Variants in SNED1 observed in about 807,000 individuals in gnomAD.
SNED1 encodes the protein sushi, nidogen and EGF like domains 1, also known as sushi, nidogen and EGF-like domain-containing protein 1.
Under a neutral mutation model 166.7 loss-of-function variants are expected in SNED1, and 81 were observed. That is an observed-to-expected ratio of 0.49 (90% CI 0.41 to 0.58). The LOEUF (loss-of-function observed/expected upper bound fraction) is 0.58, where lower values mean the gene tolerates loss of function less well. SNED1 is among the 20% of genes least tolerant of loss of function. SNED1 has a pLI of 0.00. For missense variants in SNED1, 1,604 were observed against 2,000.2 expected (o/e 0.80, Z 3.78); for synonymous variants, 762 against 822.0 (o/e 0.93, Z 1.25).
intron 1 of SNED1, among the ~76,000 whole-genome samples, chr2:241,020,752 G>T (rs2060747683): frequency 1.3e-5 from 2 of 152,154 alleles, no homozygotes; most frequent in Admixed American, 6.5e-5. Context: ...TACTGCCCTG[G>T]GTAGGGGCTG....
intron 16 of SNED1, among the ~76,000 whole-genome samples, chr2:241,057,458 C>A (rs1035130200): frequency 2.8e-5 from 4 of 145,450 alleles, no homozygotes; most frequent in African/African-American, 1.0e-4. Flanking sequence ...CAAGGCAAGA[C>A]GATCATTTGA....
chr2:241,088,119 C>G, intron 30 of SNED1: 1 of 528,026 alleles, frequency 1.9e-6, no homozygotes. Context: ...CATCCTCTCT[C>G]TCTCTGACTC....
chr2:241,011,647 G>T (rs756055875), intron 1 of SNED1, among the ~76,000 whole-genome samples: 11 of 152,230 alleles, frequency 7.2e-5, no homozygotes, highest in Non-Finnish European at 1.3e-4. Flanking sequence ...AACAATAATA[G>T]AATTGTCACT....
rs2062350286 is a variant in SNED1, at chr2:241,064,264, G to A, written c.2599+139G>A. On this transcript the variant is annotated intron_variant, in intron 19 of 31. Coordinates refer to ENST00000310397, the MANE Select transcript of SNED1 (RefSeq NM_001080437.3). The surrounding 1 kb of genome is among the most constrained non-coding windows in gnomAD (Gnocchi z 7.0). ...CCGCCCTCTGCCCGCCGCCTTGGAA[G>A]TCCCCTTCTCAGGCCAGTGGCCCTC... 1 of 623,880 alleles carries A rather than the reference G, an allele frequency of 1.6e-6. No homozygotes were observed. 38.6% of individuals were successfully genotyped at this position (623,880 alleles called of 1,614,324 possible).
rs372051276 is a variant in SNED1, at chr2:241,053,310, G to A, written c.2241G>A (p.Glu747=). 84 of 1,585,560 alleles carry A rather than the reference G, an allele frequency of 5.3e-5. 1 individual carries two copies. In the East Asian group the frequency reaches 7.2e-4, roughly 14 times the overall value. Residue 747 remains glutamate, a synonymous_variant, in exon 16 of 32, where the codon GAG becomes GAA. Coordinates refer to ENST00000310397, the MANE Select transcript of SNED1 (RefSeq NM_001080437.3). ...RVCQPHGVWS[E]PPQCLEIDEC... Reference sequence around the variant, plus strand: ...GCCAGCCACACGGTGTCTGGAGTGAGCCTCCCCAGTGCCTTGGTGATTCTG... The same window carrying A: ...GCCAGCCACACGGTGTCTGGAGTGAACCTCCCCAGTGCCTTGGTGATTCTG...
At chr2:241,056,817 G>A (rs140908836) in intron 16 of SNED1, among the ~76,000 whole-genome samples, 1,521 of 151,656 alleles carry the variant, frequency 0.01, 10 homozygotes, top group Middle Eastern at 0.024. Flanking sequence ...TCCTGACCTC[G>A]TGATCCACCC....
rs2062362054 is a variant in SNED1, at chr2:241,064,598, T to C, written c.2600-246T>C. On this transcript the variant is annotated intron_variant, in intron 19 of 31. Coordinates refer to ENST00000310397, the MANE Select transcript of SNED1 (RefSeq NM_001080437.3). The surrounding 1 kb of genome is among the most constrained non-coding windows in gnomAD (Gnocchi z 7.0). ...GGGGTGGTGGCCTGTCCTGTCCTGA[T>C]CCAGTGTCTCCTCCCCTCAGCCAGT... Among the ~76,000 whole-genome samples, 1 of 152,190 alleles carries C rather than the reference T, an allele frequency of 6.6e-6. No individual in the cohort carries two copies. Among genetic ancestry groups the C allele is most frequent in the South Asian group, 2.1e-4 (1 of 4,830 alleles).
rs188467286 is a variant in SNED1, at chr2:241,043,061, G to A, written c.1273+2648G>A. 3.3e-5 allele frequency among the ~76,000 whole-genome samples: 5 copies of A among 152,338 alleles called. No homozygotes were observed. In the East Asian group the frequency reaches 7.7e-4, roughly 23 times the overall value. ...CAATATTAAGCAGCCTGGGATCCACGTATTTGGAGTCTGCGAAGGAGGATG... is the reference window on the plus strand; with the variant it reads ...CAATATTAAGCAGCCTGGGATCCACATATTTGGAGTCTGCGAAGGAGGATG... On this transcript the variant is annotated intron_variant, in intron 8 of 31. Coordinates refer to ENST00000310397, the MANE Select transcript of SNED1 (RefSeq NM_001080437.3).
chr2:241,035,796 T>C (rs2061335463), intron 4 of SNED1: 1 of 116,046 alleles, frequency 8.6e-6, no homozygotes, highest in African/African-American at 3.4e-5. Flanking sequence ...CGCCACAGGG[T>C]TGGGGATGAG....
rs960417176 is a variant in SNED1, at chr2:241,094,011, C to T, written c.*2375C>T. ...AGACTGAGGATTCTACTTAGTCCTC[C>T]GACTGGGTACAACAACAGCCTAGGT... On this transcript the variant is annotated 3_prime_UTR_variant, in exon 32 of 32. Coordinates refer to ENST00000310397, the MANE Select transcript of SNED1 (RefSeq NM_001080437.3). The surrounding 1 kb of genome is among the most constrained non-coding windows in gnomAD (Gnocchi z 4.3). 2.0e-5 allele frequency: 5 copies of T among 254,700 alleles called. No individual in the cohort carries two copies. The highest frequency in any genetic ancestry group is 8.2e-5 in the South Asian group (2 of 24,504). The allele number at this position is 254,700 out of a possible 1,614,324, so 15.8% of individuals were successfully genotyped here.
rs987361987 is a variant in SNED1, at chr2:241,064,559, G to T, written c.2600-285G>T. On this transcript the variant is annotated intron_variant, in intron 19 of 31. Transcript: ENST00000310397. The surrounding 1 kb of genome is among the most constrained non-coding windows in gnomAD (Gnocchi z 7.0). ...CTGACCACTGACCTCCCCTCCTCAA[G>T]CAGGACTGTCACTGGGGTGGTGGCC... Among the ~76,000 whole-genome samples the T allele has an allele frequency of 1.3e-5, 2 of 152,186 alleles. No homozygotes were observed. Among genetic ancestry groups the T allele is most frequent in the African/African-American group, 4.8e-5 (2 of 41,460 alleles).
At chr2:241,082,919 G>C (rs918070589) in intron 29 of SNED1, among the ~76,000 whole-genome samples, 2 of 151,654 alleles carry the variant, frequency 1.3e-5, no homozygotes, top group Admixed American at 6.6e-5. Flanking sequence ...GCTGTGTGCC[G>C]GGCACTGTCC....
chr2:241,068,541 G>A lies in SNED1; in HGVS notation c.3195-370G>A, dbSNP rs943506890. 1.1e-4 allele frequency among the ~76,000 whole-genome samples: 17 copies of A among 151,942 alleles called. No homozygotes were observed. The highest frequency in any genetic ancestry group is 5.8e-4 in the East Asian group (3 of 5,182). On this transcript the variant is annotated intron_variant, in intron 22 of 31. Coordinates refer to ENST00000310397, the MANE Select transcript of SNED1 (RefSeq NM_001080437.3). The surrounding 1 kb of genome is among the most constrained non-coding windows in gnomAD (Gnocchi z 5.3). ...GGGGCTGGGGTGGCATTGGCCTCAC[G>A]TTGTCCTGTGGTTTCCTGAGAATTT...
At chr2:241,085,306 T>C (rs1000931138) in intron 29 of SNED1, among the ~76,000 whole-genome samples, 1 of 152,216 alleles carries the variant, frequency 6.6e-6, no homozygotes, top group African/African-American at 2.4e-5. Context: ...AGTCTTTTCA[T>C]TTTGGACAGA....
intron 1 of SNED1, among the ~76,000 whole-genome samples, chr2:241,023,884 TTTCC>T (rs2060846140): frequency 9.5e-6 from 1 of 104,782 alleles, no homozygotes; most frequent in African/African-American, 4.6e-5. Context: ...TTTCTTTTTT[TTTCC>T]TTTTTTTTTT....
chr2:241,039,208 C>T (rs532719526), intron 6 of SNED1, among the ~76,000 whole-genome samples: 28 of 152,282 alleles, frequency 1.8e-4, no homozygotes, highest in Non-Finnish European at 3.7e-4. Flanking sequence ...GCATGCTCCT[C>T]CACCTAGCGG....
intron 4 of SNED1, among the ~76,000 whole-genome samples, chr2:241,036,495 C>T (rs372737203): frequency 1.3e-5 from 2 of 152,086 alleles, no homozygotes; most frequent in East Asian, 1.9e-4. Flanking sequence ...GACCTGTCCA[C>T]GGCAGCGCTG....
intron 31 of SNED1, among the ~76,000 whole-genome samples, chr2:241,090,824 G>A (rs968118009): frequency 6.7e-6 from 1 of 149,418 alleles, no homozygotes; most frequent in African/African-American, 2.5e-5. Context: ...CTGAGATTGC[G>A]CCACTATACT....
chr2:241,065,202 C>T, intron 20 of SNED1, 97 bp from the exon 21 acceptor site: 2 of 1,298,688 alleles, frequency 1.5e-6, no homozygotes, highest in Non-Finnish European at 1.1e-6. Context: ...TGTGTCAGGC[C>T]CAAGAGCCAG....
Sources: allele counts gnomAD v4.1 joint callset (sites outside exome capture counted in the v4.1 genomes callset), GRCh38; gene constraint gnomAD v4.1.1; non-coding constraint Gnocchi (gnomAD v3.1); transcripts MANE v1.5; gene names NCBI Gene and HGNC (gene_info 2026-07-23, HGNC 2026-07-21).